Variants in LINGO2 observed in about 807,000 individuals in gnomAD.
LINGO2 encodes the protein leucine rich repeat and Ig domain containing 2.
A neutral mutation model predicts 30.6 loss-of-function variants in LINGO2; 14 were observed. The ratio of observed to expected loss-of-function variants is 0.46; its 90% CI spans 0.30 to 0.72. The LOEUF (loss-of-function observed/expected upper bound fraction) is 0.72, where lower values mean the gene tolerates loss of function less well. LINGO2 is among the 30% of genes least tolerant of loss of function. The pLI is 0.07. For missense variants in LINGO2, 729 were observed against 751.7 expected (o/e 0.97, Z 0.35); for synonymous variants, 317 against 288.5 (o/e 1.10, Z -1.00).
chr9:28,897,855 A>C, the LINGO2 span, among the ~76,000 whole-genome samples: 3 of 152,156 alleles, frequency 2.0e-5, no homozygotes, highest in Non-Finnish European at 4.4e-5. Context: ...CTTTTTTAAA[A>C]GTTTCCCATA....
intron 5 of LINGO2, among the ~76,000 whole-genome samples, chr9:27,982,716 T>G (rs965704471): frequency 1.3e-5 from 2 of 151,862 alleles, no homozygotes; most frequent in Non-Finnish European, 2.9e-5. Context: ...TGGTTTAAGA[T>G]TTGTGCTGAG....
At chr9:28,340,695 T>A (rs976954168) in intron 3 of LINGO2, among the ~76,000 whole-genome samples, 1 of 152,116 alleles carries the variant, frequency 6.6e-6, no homozygotes, top group African/African-American at 2.4e-5. Context: ...TTCTTAGTAG[T>A]GCAAAGCAAT....
intron 1 of LINGO2, among the ~76,000 whole-genome samples, chr9:28,508,291 T>C (rs1365729784): frequency 6.6e-6 from 1 of 152,098 alleles, no homozygotes; most frequent in Non-Finnish European, 1.5e-5. Context: ...CATCAGAAAA[T>C]AGTATTTATT....
chr9:28,384,428 C>G (rs1218631229), intron 2 of LINGO2, among the ~76,000 whole-genome samples: 1 of 149,678 alleles, frequency 6.7e-6, no homozygotes. Flanking sequence ...TTTCAGTTAA[C>G]ATTTTATTGT....
the LINGO2 span, among the ~76,000 whole-genome samples, chr9:28,758,466 G>A: frequency 6.6e-6 from 1 of 152,002 alleles, no homozygotes; most frequent in African/African-American, 2.4e-5. Context: ...ACTGGCAGCT[G>A]GTTTGTAAAT....
intron 1 of LINGO2, among the ~76,000 whole-genome samples, chr9:28,536,114 G>A (rs868728371): frequency 2.6e-4 from 40 of 152,254 alleles, no homozygotes; most frequent in African/African-American, 8.2e-4. Flanking sequence ...TTGCAAGAAA[G>A]AGAATAGACT....
chr9:27,945,091 TATGCAGTGTTGA>T (rs1443011898), downstream of LINGO2, among the ~76,000 whole-genome samples: 1 of 152,134 alleles, frequency 6.6e-6, no homozygotes, highest in Non-Finnish European at 1.5e-5. Context: ...CCTCAAGACA[TATGCAGTGTTGA>T]ATGGCTTCTG....
At chr9:28,928,030 T>TA in the LINGO2 span, among the ~76,000 whole-genome samples, 1 of 152,200 alleles carries the variant, frequency 6.6e-6, no homozygotes, top group Non-Finnish European at 1.5e-5. Context: ...CATTGTCTTA[T>TA]TTAGTCTTTG....
intron 3 of LINGO2, among the ~76,000 whole-genome samples, chr9:28,320,592 G>C (rs560950989): frequency 6.6e-6 from 1 of 152,276 alleles, no homozygotes; most frequent in South Asian, 2.1e-4. Context: ...ATGTTCTAGG[G>C]ATGGGGTCAG....
At chr9:28,725,500 AG>A in the LINGO2 span, among the ~76,000 whole-genome samples, 1 of 151,548 alleles carries the variant, frequency 6.6e-6, no homozygotes, top group East Asian at 1.9e-4. Context: ...AATATACAAC[AG>A]GGGGAATAAT....
the LINGO2 span, among the ~76,000 whole-genome samples, chr9:29,164,902 T>C: frequency 6.6e-6 from 1 of 152,122 alleles, no homozygotes; most frequent in South Asian, 2.1e-4. Context: ...ATAGTTATAG[T>C]AGGGTATTTT....
the LINGO2 span, among the ~76,000 whole-genome samples, chr9:29,190,458 T>A: frequency 6.6e-6 from 1 of 152,260 alleles, no homozygotes; most frequent in Non-Finnish European, 1.5e-5. Context: ...AGCTAACAAA[T>A]GTTTCAAAAA....
chr9:28,310,996 C>T (rs551383752), intron 3 of LINGO2, among the ~76,000 whole-genome samples: 27 of 152,070 alleles, frequency 1.8e-4, no homozygotes, highest in African/African-American at 5.8e-4. Flanking sequence ...AGATATTGGG[C>T]GAAATTCACC....
chr9:28,988,839 T>C, the LINGO2 span, among the ~76,000 whole-genome samples: 1 of 152,206 alleles, frequency 6.6e-6, no homozygotes, highest in Admixed American at 6.5e-5. Flanking sequence ...CTAACTTTTC[T>C]ATTTTTGTTT....
chr9:28,836,533 C>G, the LINGO2 span, among the ~76,000 whole-genome samples: 1 of 152,102 alleles, frequency 6.6e-6, no homozygotes, highest in African/African-American at 2.4e-5. Flanking sequence ...TCAGGCTGGT[C>G]TCAAACTCCT....
the LINGO2 span, among the ~76,000 whole-genome samples, chr9:29,149,621 T>C: frequency 3.3e-5 from 5 of 151,946 alleles, no homozygotes; most frequent in African/African-American, 1.2e-4. Flanking sequence ...AGTGAAGGGA[T>C]AGCAGGGCAG....
At chr9:28,596,072 C>A (rs1825161082) in intron 1 of LINGO2, among the ~76,000 whole-genome samples, 1 of 152,052 alleles carries the variant, frequency 6.6e-6, no homozygotes, top group South Asian at 2.1e-4. Context: ...GCTAATGGAA[C>A]TTTTTACTGT....
chr9:28,702,241 T>G, the LINGO2 span, among the ~76,000 whole-genome samples: 1 of 151,882 alleles, frequency 6.6e-6, no homozygotes, highest in Non-Finnish European at 1.5e-5. Flanking sequence ...CTATTAAATA[T>G]GAAGTTAACT....
chr9:28,798,147 G>T, the LINGO2 span, among the ~76,000 whole-genome samples: 2 of 152,110 alleles, frequency 1.3e-5, no homozygotes, highest in Non-Finnish European at 2.9e-5. Context: ...TTATTTCTTA[G>T]AACTTCATTG....
Sources: allele counts gnomAD v4.1 joint callset (sites outside exome capture counted in the v4.1 genomes callset), GRCh38; gene constraint gnomAD v4.1.1; transcripts MANE v1.5; gene names NCBI Gene and HGNC (gene_info 2026-07-23, HGNC 2026-07-21).